The following SLC35G1 variants were observed in gnomAD, a reference collection of about 807,000 sequenced individuals.
SLC35G1 encodes solute carrier family 35 member G1, also known as partner of STIM1.
SLC35G1 carries 10 observed loss-of-function variants against 17.1 expected under a neutral mutation model. The observed-to-expected ratio is 0.59, with a 90% CI of 0.36 to 0.99. The LOEUF is 0.99. SLC35G1 is among the 50% of genes least tolerant of loss of function. SLC35G1 has a pLI of 0.01. For synonymous variants in SLC35G1, 185 were observed against 181.1 expected, an observed-to-expected ratio of 1.02 and a Z score of -0.18; for missense variants, 433 against 468.4, an observed-to-expected ratio of 0.92 and a Z score of 0.70.
downstream of SLC35G1, chr10:93,907,925 T>A (rs948590907): frequency 8.5e-5 from 13 of 152,296 alleles, no homozygotes; most frequent in African/African-American, 2.4e-4. Context: ...CATTATGTCA[T>A]ACATACATAC....
At chr10:93,908,350 C>T (rs1158493238), downstream of SLC35G1, 1 of 152,152 alleles carries the variant, frequency 6.6e-6, no homozygotes, top group African/African-American at 2.4e-5. Context: ...AATTCTAGTC[C>T]CCTCACTAGT....
chr10:93,906,771 A>C (rs1362974314), downstream of SLC35G1, among the ~76,000 whole-genome samples: 2 of 152,190 alleles, frequency 1.3e-5, no homozygotes, highest in African/African-American at 4.8e-5. Context: ...ACTGTTTTCA[A>C]AGTGTGGTTT....
chr10:93,901,558 C>A lies in SLC35G1; in HGVS notation c.*68C>A. 1 of 1,475,778 alleles carries A rather than the reference C, an allele frequency of 6.8e-7. No homozygotes were observed. Among genetic ancestry groups the A allele is most frequent in the East Asian group, 2.3e-5 (1 of 43,196 alleles). 91.4% of individuals were successfully genotyped at this position (1,475,778 alleles called of 1,614,324 possible). A position where few individuals can be genotyped will look rare whatever the true frequency, so the allele number is the denominator to read the frequency against. ...ACCTAATTCACATACAGCATACGCA[C>A]ACATCTGGAAAATCTGCATTTTCTT... On this transcript the variant is annotated 3_prime_UTR_variant, in exon 3 of 3. Coordinates refer to ENST00000427197, the MANE Select transcript of SLC35G1 (RefSeq NM_001134658.3).
chr10:93,903,436 A>AAAG lies in SLC35G1; in HGVS notation c.*1946_*1947insAAG, dbSNP rs1336877060. 1 of 152,210 alleles carries AAAG rather than the reference A, an allele frequency of 6.6e-6. No individual in the cohort carries two copies. The highest frequency in any genetic ancestry group is 2.4e-5 in the African/African-American group (1 of 41,450). 9.4% of individuals were successfully genotyped at this position (152,210 alleles called of 1,614,324 possible). A position where few individuals can be genotyped will look rare whatever the true frequency, so the allele number is the denominator to read the frequency against. On this transcript the variant is annotated 3_prime_UTR_variant, in exon 3 of 3. Transcript: ENST00000427197. Reference sequence around the variant, plus strand: ...CCCTTCCTTAGTTCCATGATAAAGTATGGACAGTAAACCACTACTTGAGCT... The same window carrying AAAG: ...CCCTTCCTTAGTTCCATGATAAAGTAAAGTGGACAGTAAACCACTACTTGAGCT...
In SLC35G1 at chr10:93,894,200, G is replaced by T. The variant is rs772181438; in HGVS notation, c.167G>T (p.Arg56Leu). The change falls in exon 1 of 3, where the codon CGC becomes CTC. Residue 56 changes from arginine to leucine, a missense_variant. By Grantham distance (102) the Arg-to-Leu change is moderately radical. Transcript: ENST00000427197. ...WLCLSSPCCS[R>L]TEPEAKKKAP... ...TGCCTTTCCTCGCCGTGTTGCTCCCGCACCGAGCCGGGTGAGTGCGCGGTG... is the reference window on the plus strand; with the variant it reads ...TGCCTTTCCTCGCCGTGTTGCTCCCTCACCGAGCCGGGTGAGTGCGCGGTG... The T allele has an allele frequency of 2.8e-6, 4 of 1,404,256 alleles. No individual in the cohort carries two copies. The highest frequency in any genetic ancestry group is 3.7e-6 in the Non-Finnish European group (4 of 1,082,164). The allele number at this position is 1,404,256 out of a possible 1,614,324, so 87.0% of individuals were successfully genotyped here.
At chr10:93,906,225 C>G (rs1438420574), downstream of SLC35G1, 1 of 152,258 alleles carries the variant, frequency 6.6e-6, no homozygotes, top group Non-Finnish European at 1.5e-5. Context: ...CATTTTCTTT[C>G]TTCTGATATT....
downstream of SLC35G1, among the ~76,000 whole-genome samples, chr10:93,904,124 C>G (rs2060414745): frequency 6.6e-6 from 1 of 152,172 alleles, no homozygotes; most frequent in Non-Finnish European, 1.5e-5. Context: ...TAATCCGTTA[C>G]TAAATCCTGA....
intron 1 of SLC35G1, among the ~76,000 whole-genome samples, chr10:93,894,545 G>A (rs2060311705): frequency 6.6e-6 from 1 of 152,136 alleles, no homozygotes; most frequent in Non-Finnish European, 1.5e-5. Context: ...GGGTCAGCGA[G>A]AGAGGCCATC....
chr10:93,907,280 G>A (rs1220448277), downstream of SLC35G1: 1 of 152,088 alleles, frequency 6.6e-6, no homozygotes, highest in Non-Finnish European at 1.5e-5. Flanking sequence ...TAGTTCCTTT[G>A]TATGTGCATT....
At chr10:93,904,875 T>TC (rs2060418616), downstream of SLC35G1, among the ~76,000 whole-genome samples, 1 of 152,186 alleles carries the variant, frequency 6.6e-6, no homozygotes, top group Non-Finnish European at 1.5e-5. Flanking sequence ...ATGAGGCGTA[T>TC]ACCAGAGTCC....
At chr10:93,909,567 C>A (rs2060447536) in exon 3 of SLC35G1, 1 of 151,816 alleles carries the variant, frequency 6.6e-6, no homozygotes, top group Admixed American at 6.6e-5. Flanking sequence ...GCTTTATGTA[C>A]CTCTGGTTTG....
At chr10:93,897,445 T>C (rs1437856698) in intron 1 of SLC35G1, among the ~76,000 whole-genome samples, 1 of 152,232 alleles carries the variant, frequency 6.6e-6, no homozygotes, top group Non-Finnish European at 1.5e-5. Flanking sequence ...GTTGCTCATA[T>C]CCACTCACCC....
In SLC35G1 at chr10:93,901,216, AGT is replaced by A; in HGVS notation, c.826_827del (p.Trp276GlufsTer58). 2 of 1,613,930 alleles carry A rather than the reference AGT, an allele frequency of 1.2e-6. No homozygotes were observed. Among genetic ancestry groups the A allele is most frequent in the South Asian group, 2.2e-5 (2 of 91,078 alleles). ...GTCATCATCCTCTCTGTATTAGGAG[AGT>A]GGAGTCTGCCTTACTGTGGGTTGGA... is the stretch of plus-strand genomic sequence containing the variant. On this transcript the variant is annotated frameshift_variant, in exon 3 of 3. Transcript: ENST00000427197. LOFTEE classifies it high-confidence loss of function.
downstream of SLC35G1, among the ~76,000 whole-genome samples, chr10:93,904,662 G>A (rs2060417161): frequency 6.6e-6 from 1 of 152,168 alleles, no homozygotes; most frequent in South Asian, 2.1e-4. Context: ...GCACTGGATT[G>A]GGATCTGAAG....
downstream of SLC35G1, among the ~76,000 whole-genome samples, chr10:93,906,548 A>C (rs1249314439): frequency 6.6e-6 from 1 of 152,244 alleles, no homozygotes; most frequent in African/African-American, 2.4e-5. Context: ...AGCCACTAAA[A>C]AAAAAATATA....
chr10:93,907,664 C>A (rs1482290993), downstream of SLC35G1: 1 of 152,078 alleles, frequency 6.6e-6, no homozygotes. Context: ...ACAGAATATT[C>A]CAGGAGGATA....
chr10:93,901,175 T>C lies in SLC35G1; in HGVS notation c.783T>C (p.Leu261=), dbSNP rs777424398. ...YFLSIWYYVV[L]GLVESVIILS... ...TGAGCATTTGGTATTATGTAGTACT[T>C]GGCCTCGTTGAAAGTGTCATCATCC... The change falls in exon 3 of 3, where the codon CTT becomes CTC. Residue 261 remains leucine (L), a synonymous_variant. Transcript: ENST00000427197. The C allele has an allele frequency of 6.2e-7, 1 of 1,614,028 alleles. No homozygotes were observed. Among genetic ancestry groups the C allele is most frequent in the Non-Finnish European group, 8.5e-7 (1 of 1,179,980 alleles).
downstream of SLC35G1, among the ~76,000 whole-genome samples, chr10:93,905,639 G>A (rs2060424026): frequency 6.6e-6 from 1 of 152,150 alleles, no homozygotes; most frequent in South Asian, 2.1e-4. Context: ...TCAAGGGAGG[G>A]CAGTAAATGT....
chr10:93,894,110 G>A lies in SLC35G1; in HGVS notation c.77G>A (p.Gly26Asp). Residue 26 changes from glycine to aspartate, a missense_variant, in exon 1 of 3, where the codon GGC becomes GAC. By Grantham distance (94) the Gly-to-Asp change is moderately conservative. Transcript: ENST00000427197. ...CCGCTAACGGACGATGCACCCCCGG[G>A]CGCCACTGAGGAGCCGGCGGCCGCC... ...GLPLTDDAPP[G>D]ATEEPAAAEA... 1.3e-6 allele frequency: 2 copies of A among 1,488,860 alleles called. No individual in the cohort carries two copies. Among genetic ancestry groups the A allele is most frequent in the Non-Finnish European group, 1.8e-6 (2 of 1,127,068 alleles). 92.2% of individuals were successfully genotyped at this position (1,488,860 alleles called of 1,614,324 possible). A position where few individuals can be genotyped will look rare whatever the true frequency, so the allele number is the denominator to read the frequency against.
Sources: gnomAD v4.1 joint callset for allele counts (sites outside exome capture counted in the v4.1 genomes callset) on GRCh38, gnomAD v4.1.1 for gene constraint, MANE v1.5 for transcripts, NCBI Gene and HGNC (gene_info 2026-07-23, HGNC 2026-07-21) for gene names.